The following ATG7 variants were observed in gnomAD, a reference collection of about 807,000 sequenced individuals.
ATG7 encodes ubiquitin-like modifier-activating enzyme ATG7.
ATG7 carries 70 observed loss-of-function variants against 82.4 expected under a neutral mutation model. That is an observed-to-expected ratio of 0.85 (90% CI 0.70 to 1.04). The LOEUF is 1.04. Among genes scored for constraint, ATG7 ranks in the 50% least tolerant of loss-of-function variants. ATG7 has a pLI of 0.00. For synonymous variants in ATG7, 287 were observed against 313.0 expected, an observed-to-expected ratio of 0.92 and a Z score of 0.88; for missense variants, 792 against 864.3, an observed-to-expected ratio of 0.92 and a Z score of 1.05.
At chr3:11,504,583 C>A (rs1231822864) in intron 20 of ATG7, among the ~76,000 whole-genome samples, 1 of 152,180 alleles carries the variant, frequency 6.6e-6, no homozygotes, top group Non-Finnish European at 1.5e-5. Flanking sequence ...GGCCAGAGGG[C>A]TCTAGGACAG....
rs145878050 is a variant in ATG7, at chr3:11,498,541, A to T, written c.2080-56270A>T. 1.3e-4 allele frequency among the ~76,000 whole-genome samples: 20 copies of T among 152,244 alleles called. No individual in the cohort carries two copies. The East Asian group carries it at 3.9e-3, about 29-fold the overall frequency. ...CCACTAGGATTAATCTTCCAAAAAC[A>T]TTGGTTTTCACCGTGTCACTCCTGT... On this transcript the variant is annotated intron_variant, in intron 20 of 20. Coordinates refer to ENST00000693202, the MANE Select transcript of ATG7 (RefSeq NM_001349232.2).
In ATG7 at chr3:11,374,892, CAAAAAAAAAAAAA is replaced by C. The variant is rs55855960; in HGVS notation, c.1876-5063_1876-5051del. ...ACACTCCAGCCTGGGCAACAGAGCT[CAAAAAAAAAAAAA>C]AAAAAAAAAAAAAAAAGTCTGGGCA... On this transcript the variant is annotated intron_variant, in intron 18 of 20. Transcript: ENST00000693202. Among the ~76,000 whole-genome samples, 87 of 73,518 alleles carry C rather than the reference CAAAAAAAAAAAAA, an allele frequency of 1.2e-3. 1 individual carries two copies. Among genetic ancestry groups the C allele is most frequent in the African/African-American group, 4.7e-3 (77 of 16,432 alleles). The allele number at this position is 73,518 out of a possible 152,430, so 48.2% of individuals were successfully genotyped here. A position where few individuals can be genotyped will look rare whatever the true frequency, so the allele number is the denominator to read the frequency against.
At chr3:11,529,357 C>T (rs1171106075) in intron 20 of ATG7, 1 of 152,172 alleles carries the variant, frequency 6.6e-6, no homozygotes, top group Non-Finnish European at 1.5e-5. Flanking sequence ...AAGCTGCTTG[C>T]CCCTCCTACC....
At position 11,380,034 on chromosome 3, in the gene ATG7, T is replaced by G; in HGVS notation, c.1938T>G (p.Cys646Trp). The change falls in exon 19 of 21, where the codon TGT becomes TGG. Residue 646 changes from cysteine (C) to tryptophan (W), a missense_variant. Transcript: ENST00000693202. ...CCGTCAGCCTGGCATTTGACAAATG[T>G]ACAGCTTGTTCTTCCAAAGTAAGTC... ...VLPVSLAFDK[C>W]TACSSKVLDQ... 1 of 1,614,074 alleles carries G rather than the reference T, an allele frequency of 6.2e-7. No individual in the cohort carries two copies. Among genetic ancestry groups the G allele is most frequent in the Non-Finnish European group, 8.5e-7 (1 of 1,179,912 alleles).
chr3:11,568,877 C>T, the ATG7 span: 160 of 1,346,436 alleles, frequency 1.2e-4, no homozygotes, highest in Non-Finnish European at 1.4e-4. This position sits in a 1 kb window ranked among gnomAD's most constrained non-coding sequence, Gnocchi z 5.9. Context: ...TGAGGCTGCA[C>T]GGCACCCGGC....
intron 5 of ATG7, among the ~76,000 whole-genome samples, chr3:11,303,986 G>A (rs1575299997): frequency 6.6e-6 from 1 of 151,846 alleles, no homozygotes; most frequent in South Asian, 2.1e-4. Context: ...AGCTACTCGG[G>A]AGGCTGAGGC....
intron 18 of ATG7, among the ~76,000 whole-genome samples, chr3:11,365,273 C>T (rs1434850779): frequency 6.6e-6 from 1 of 152,072 alleles, no homozygotes; most frequent in Non-Finnish European, 1.5e-5. Context: ...ACTCTGAACC[C>T]AAATAGAAAA....
At chr3:11,359,300 G>T (rs1460836148) in intron 15 of ATG7, among the ~76,000 whole-genome samples, 4 of 152,052 alleles carry the variant, frequency 2.6e-5, no homozygotes, top group Non-Finnish European at 5.9e-5. Context: ...GTTTTCTTTT[G>T]TAGTGTGTTT....
chr3:11,564,407 C>CT, the ATG7 span, among the ~76,000 whole-genome samples: 2 of 147,718 alleles, frequency 1.4e-5, no homozygotes, highest in Admixed American at 6.7e-5. Flanking sequence ...AACGTAGGAC[C>CT]CCCCCACCCG....
At chr3:11,516,718 A>G (rs1425287586) in intron 20 of ATG7, among the ~76,000 whole-genome samples, 1 of 152,222 alleles carries the variant, frequency 6.6e-6, no homozygotes, top group African/African-American at 2.4e-5. Flanking sequence ...CCATCCAGAC[A>G]ATGAAATATT....
chr3:11,290,723 C>T (rs113100712), intron 3 of ATG7: 121 of 198,718 alleles, frequency 6.1e-4, no homozygotes, highest in Non-Finnish European at 7.3e-4. Context: ...TCACCCTTGT[C>T]GCCCAGGCTG....
chr3:11,504,541 G>A (rs532409795), intron 20 of ATG7, among the ~76,000 whole-genome samples: 1 of 152,344 alleles, frequency 6.6e-6, no homozygotes, highest in Non-Finnish European at 1.5e-5. Context: ...TGGGCCTGAA[G>A]CACTGAGGAT....
At chr3:11,454,629 T>C (rs1471150287) in intron 20 of ATG7, among the ~76,000 whole-genome samples, 1 of 152,198 alleles carries the variant, frequency 6.6e-6, no homozygotes, top group Non-Finnish European at 1.5e-5. Flanking sequence ...TGAGGCCACA[T>C]TTCCCTTTTA....
At chr3:11,480,118 A>G (rs1467255526) in intron 20 of ATG7, among the ~76,000 whole-genome samples, 1 of 151,882 alleles carries the variant, frequency 6.6e-6, no homozygotes, top group African/African-American at 2.4e-5. Flanking sequence ...TTTTTAGTAG[A>G]GACGGGGTTT....
chr3:11,361,485 A>G (rs908097858), intron 16 of ATG7, among the ~76,000 whole-genome samples: 3 of 151,922 alleles, frequency 2.0e-5, no homozygotes, highest in Admixed American at 1.3e-4. Context: ...GGGTTTCACC[A>G]TGTTGGTCTG....
At chr3:11,309,149 C>G in intron 7 of ATG7, 88 bp downstream of exon 7, 1 of 1,224,780 alleles carries the variant, frequency 8.2e-7, no homozygotes, top group East Asian at 2.3e-5. Context: ...GCTCTTCTCT[C>G]CGAAGCTACT....
At chr3:11,564,006 G>A in the ATG7 span, among the ~76,000 whole-genome samples, 1 of 152,194 alleles carries the variant, frequency 6.6e-6, no homozygotes, top group East Asian at 1.9e-4. Flanking sequence ...AATGCACAGA[G>A]CCCGGAGGCA....
At chr3:11,571,325 C>T in the ATG7 span, among the ~76,000 whole-genome samples, 114 of 152,256 alleles carry the variant, frequency 7.5e-4, no homozygotes, top group African/African-American at 1.2e-3. Flanking sequence ...AACCCGAGTG[C>T]GAATGCCGCC....
rs2076224751 is a variant in ATG7, at chr3:11,360,605, T to C, written c.1504T>C (p.Phe502Leu). The change falls in exon 16 of 21, where the codon TTT (phenylalanine) becomes CTT (leucine). Residue 502 changes from phenylalanine to leucine, a missense_variant. Transcript: ENST00000693202. ...GCTGGTCATCAATGCTGCTTTGGGA[T>C]TTGACACATTTGTTGTCATGAGACA... ...RKLVINAALG[F>L]DTFVVMRHGL... is the part of the protein sequence containing the mutation. 3 of 1,614,038 alleles carry C rather than the reference T, an allele frequency of 1.9e-6. No homozygotes were observed. Among genetic ancestry groups the C allele is most frequent in the Non-Finnish European group, 2.5e-6 (3 of 1,180,024 alleles).
Sources: gnomAD v4.1 joint callset for allele counts (sites outside exome capture counted in the v4.1 genomes callset) on GRCh38, gnomAD v4.1.1 for gene constraint, Gnocchi (gnomAD v3.1) non-coding constraint, MANE v1.5 for transcripts, NCBI Gene and HGNC (gene_info 2026-07-23, HGNC 2026-07-21) for gene names.